The following ZNF704 variants were observed in gnomAD, a reference collection of about 807,000 sequenced individuals.
ZNF704 encodes zinc finger protein 704, also known as glucocorticoid induced gene 1.
Under a neutral mutation model 44.7 loss-of-function variants are expected in ZNF704, and 10 were observed. The ratio of observed to expected loss-of-function variants is 0.22; its 90% CI spans 0.14 to 0.38. The LOEUF is 0.38. Ranked by LOEUF, ZNF704 falls within the 10% of genes least tolerant of loss-of-function variation. The pLI, the probability that ZNF704 is intolerant of heterozygous loss-of-function variation, is 1.00. For missense variants in ZNF704, 390 were observed against 545.5 expected, an observed-to-expected ratio of 0.71 and a Z score of 2.84; for synonymous variants, 211 against 207.6, an observed-to-expected ratio of 1.02 and a Z score of -0.14.
rs761901242 is a variant in ZNF704 at position 80,631,718 on chromosome 8, T to C, written c.*9648A>G. 2.0e-5 allele frequency: 3 copies of C among 152,184 alleles called. No homozygotes were observed. Among genetic ancestry groups the C allele is most frequent in the Non-Finnish European group, 4.4e-5 (3 of 68,034 alleles). The allele number at this position is 152,184 out of a possible 1,614,324, so 9.4% of individuals were successfully genotyped here. A position where few individuals can be genotyped will look rare whatever the true frequency, so the allele number is the denominator to read the frequency against. ...TCTTTACAGTGAGTCTGAACAAATCTTTTGTGATGAGCGTGGCTGGCTGTG... is the reference window on the plus strand; with the variant it reads ...TCTTTACAGTGAGTCTGAACAAATCCTTTGTGATGAGCGTGGCTGGCTGTG... On this transcript the variant is annotated 3_prime_UTR_variant, in exon 9 of 9. Coordinates refer to ENST00000327835, the MANE Select transcript of ZNF704 (RefSeq NM_001033723.3).
Position 80,775,909 on chromosome 8 carries a change from T to A in ZNF704, c.221+45465A>T, listed in dbSNP as rs1807402408. ...AAAGTAAAAATGTTGGTAAGAAGAA[T>A]GAATATTTATCCTAGTGATAAAGAG... On this transcript the variant is annotated intron_variant, in intron 2 of 8. Transcript: ENST00000327835. Among the ~76,000 whole-genome samples the A allele has an allele frequency of 2.6e-5, 4 of 152,190 alleles. No homozygotes were observed. The South Asian group carries it at 8.3e-4, about 31-fold the overall frequency.
At chr8:80,692,019 TC>T (rs947631463) in intron 3 of ZNF704, among the ~76,000 whole-genome samples, 19 of 152,144 alleles carry the variant, frequency 1.2e-4, no homozygotes, top group African/African-American at 4.1e-4. Flanking sequence ...ACCACCAAGA[TC>T]TTTTTTTTTC....
intron 7 of ZNF704, among the ~76,000 whole-genome samples, chr8:80,645,878 C>A (rs1817822890): frequency 6.6e-6 from 1 of 152,088 alleles, no homozygotes; most frequent in Non-Finnish European, 1.5e-5. Flanking sequence ...TTGTCCCCTC[C>A]AAAACTTATG....
rs1287256683 is a variant in ZNF704 at position 80,631,561 on chromosome 8, A to C, written c.*9805T>G. 1 of 152,232 alleles carries C rather than the reference A, an allele frequency of 6.6e-6. No homozygotes were observed. The highest frequency in any genetic ancestry group is 1.5e-5 in the Non-Finnish European group (1 of 68,068). 9.4% of individuals were successfully genotyped at this position (152,232 alleles called of 1,614,324 possible). On this transcript the variant is annotated 3_prime_UTR_variant, in exon 9 of 9. Coordinates refer to ENST00000327835, the MANE Select transcript of ZNF704 (RefSeq NM_001033723.3). ...GCTCTGTCCTCATTGTCCCCTCCTA[A>C]GGTGGAACCCAGCTCACATTCCTGG...
intron 2 of ZNF704, among the ~76,000 whole-genome samples, chr8:80,709,211 G>A (rs1473725698): frequency 1.3e-5 from 2 of 151,942 alleles, no homozygotes; most frequent in African/African-American, 4.8e-5. Flanking sequence ...TTGGGAGGCC[G>A]AGGAAGGCAG....
Position 80,834,086 on chromosome 8 carries a change from CG to C in ZNF704, c.-21-12472del, listed in dbSNP as rs1326500811. 1.1e-4 allele frequency among the ~76,000 whole-genome samples: 16 copies of C among 152,082 alleles called. 1 individual carries two copies. The highest frequency in any genetic ancestry group is 1.6e-4 in the Non-Finnish European group (11 of 67,990). On this transcript the variant is annotated intron_variant, in intron 1 of 8. Transcript: ENST00000327835. ...GTATATGCCTGTGGTCCCAGCTACT[CG>C]GGAGGCTGGGGTGGGAGGATCACTA...
intron 2 of ZNF704, among the ~76,000 whole-genome samples, chr8:80,697,122 G>A (rs750915250): frequency 1.1e-4 from 16 of 152,144 alleles, no homozygotes; most frequent in Non-Finnish European, 1.5e-4. Flanking sequence ...AAGGGAAGCC[G>A]GTGAGCCCTG....
intron 4 of ZNF704, among the ~76,000 whole-genome samples, chr8:80,682,592 G>A (rs980894699): frequency 2.1e-4 from 32 of 152,354 alleles, no homozygotes; most frequent in Non-Finnish European, 4.3e-4. Context: ...GTGGCTGAGG[G>A]ATCTGGAGTT....
intron 2 of ZNF704, among the ~76,000 whole-genome samples, chr8:80,723,351 C>G (rs1806407326): frequency 6.6e-6 from 1 of 151,712 alleles, no homozygotes; most frequent in South Asian, 2.1e-4. Context: ...TAACTCATAC[C>G]AGAAAAAAAC....
chr8:80,757,560 T>C (rs1277858418), intron 2 of ZNF704, among the ~76,000 whole-genome samples: 1 of 152,136 alleles, frequency 6.6e-6, no homozygotes, highest in African/African-American at 2.4e-5. Context: ...GTAGCCTAAG[T>C]GTACAGTGTT....
chr8:80,828,877 C>T (rs1180953836), intron 1 of ZNF704, among the ~76,000 whole-genome samples: 5 of 152,162 alleles, frequency 3.3e-5, no homozygotes, highest in African/African-American at 4.8e-5. Flanking sequence ...GCCTTGGAAT[C>T]CACTTGGCTG....
chr8:80,859,155 T>C (rs1471004941), intron 1 of ZNF704, among the ~76,000 whole-genome samples: 8 of 152,256 alleles, frequency 5.3e-5, no homozygotes, highest in Admixed American at 5.2e-4. Context: ...TATTTAGGAT[T>C]TTTATGTCTT....
chr8:80,780,204 A>G (rs1225288868), intron 2 of ZNF704, among the ~76,000 whole-genome samples: 2 of 152,140 alleles, frequency 1.3e-5, no homozygotes, highest in Admixed American at 1.3e-4. Context: ...TGGAGGGAAG[A>G]AGAAAGAGAA....
At chr8:80,767,824 T>C (rs945251724) in intron 2 of ZNF704, among the ~76,000 whole-genome samples, 5 of 152,164 alleles carry the variant, frequency 3.3e-5, no homozygotes, top group African/African-American at 9.7e-5. Flanking sequence ...CTTGAAACCC[T>C]CTATAACTAA....
intron 1 of ZNF704, among the ~76,000 whole-genome samples, chr8:80,864,155 T>C (rs1415441272): frequency 6.6e-6 from 1 of 152,218 alleles, no homozygotes; most frequent in African/African-American, 2.4e-5. Flanking sequence ...TTATCAGCTT[T>C]ATGAGGAAAA....
At chr8:80,823,990 T>C (rs1424018817) in intron 1 of ZNF704, among the ~76,000 whole-genome samples, 2 of 152,122 alleles carry the variant, frequency 1.3e-5, no homozygotes, top group Non-Finnish European at 2.9e-5. Flanking sequence ...GCAGAAAAGC[T>C]GAAAATTCTA....
rs780264820 is a variant in ZNF704, at chr8:80,709,442, C to CAA, written c.222-16337_222-16336dup. On this transcript the variant is annotated intron_variant, in intron 2 of 8. Coordinates refer to ENST00000327835, the MANE Select transcript of ZNF704 (RefSeq NM_001033723.3). ...TTGGCAACAGTGCGAGACTCCATCT[C>CAA]AAAAAAAAAAAAAAAAAAAAAAAAA... 6.9e-3 allele frequency among the ~76,000 whole-genome samples: 110 copies of CAA among 15,872 alleles called. 24 individuals carry two copies. Among genetic ancestry groups the CAA allele is most frequent in the East Asian group, 0.014 (3 of 216 alleles). The allele number at this position is 15,872 out of a possible 152,430, so 10.4% of individuals were successfully genotyped here. A position where few individuals can be genotyped will look rare whatever the true frequency, so the allele number is the denominator to read the frequency against.
At chr8:80,829,378 C>A (rs1808431588) in intron 1 of ZNF704, among the ~76,000 whole-genome samples, 1 of 152,026 alleles carries the variant, frequency 6.6e-6, no homozygotes, top group South Asian at 2.1e-4. Flanking sequence ...AAACTCTAAA[C>A]AACAGGGATA....
intron 1 of ZNF704, among the ~76,000 whole-genome samples, chr8:80,856,777 A>C (rs1321362548): frequency 2.0e-5 from 3 of 152,186 alleles, no homozygotes; most frequent in Non-Finnish European, 4.4e-5. Flanking sequence ...TTCTGAAATC[A>C]AGTAGATTAA....
Sources: gnomAD v4.1 joint callset for allele counts (sites outside exome capture counted in the v4.1 genomes callset) on GRCh38, gnomAD v4.1.1 for gene constraint, MANE v1.5 for transcripts, NCBI Gene and HGNC (gene_info 2026-07-23, HGNC 2026-07-21) for gene names.